RAB21: variants seen among roughly 807,000 people sequenced by gnomAD.
RAB21 encodes RAB21, member RAS oncogene family, also known as ras-related protein Rab-21.
RAB21 carries 13 observed loss-of-function variants against 33.1 expected under a neutral mutation model. The ratio of observed to expected loss-of-function variants is 0.39; its 90% confidence interval spans 0.26 to 0.62. The LOEUF (loss-of-function observed/expected upper bound fraction) is 0.62. Among genes scored for constraint, RAB21 ranks in the 20% least tolerant of loss-of-function variants. The pLI is 0.48. For missense variants in RAB21, 234 were observed against 279.1 expected, an observed-to-expected ratio of 0.84 and a Z score of 1.15; for synonymous variants, 91 against 103.7, an observed-to-expected ratio of 0.88 and a Z score of 0.74.
intron 1 of RAB21, among the ~76,000 whole-genome samples, chr12:71,768,712 T>C (rs1222147677): frequency 6.6e-6 from 1 of 152,218 alleles, no homozygotes; most frequent in East Asian, 1.9e-4. Context: ...GTAGTCCTGT[T>C]TCTTCAAACA....
At chr12:71,766,325 A>G (rs1013186301) in intron 1 of RAB21, among the ~76,000 whole-genome samples, 1 of 152,108 alleles carries the variant, frequency 6.6e-6, no homozygotes, top group African/African-American at 2.4e-5. Flanking sequence ...AGTAGTTATA[A>G]TTAATATCTG....
chr12:71,781,894 C>T (rs1883206452), intron 4 of RAB21, 137 bp from the exon 5 acceptor site: 2 of 623,262 alleles, frequency 3.2e-6, no homozygotes, highest in Non-Finnish European at 5.6e-6. Context: ...TTTATAATTT[C>T]AAGACATTAG....
chr12:71,776,079 T>C (rs539810471), intron 4 of RAB21, among the ~76,000 whole-genome samples: 1 of 152,144 alleles, frequency 6.6e-6, no homozygotes, highest in Non-Finnish European at 1.5e-5. Flanking sequence ...TTGTGTAACT[T>C]TGTGTGGTAT....
Position 71,785,728 on chromosome 12 carries a change from A to G in RAB21, c.*55A>G, listed in dbSNP as rs1883275601. On this transcript the variant is annotated 3_prime_UTR_variant, in exon 7 of 7. Transcript: ENST00000261263. ...AACAAAACTGTGGATCATTGCCCTC[A>G]ACATGAAGACTGCCATATTCCAAGT... 15 of 1,588,062 alleles carry G rather than the reference A, an allele frequency of 9.4e-6. No individual in the cohort carries two copies. In the Admixed American group the frequency reaches 1.2e-4, roughly 13 times the overall value.
intron 4 of RAB21, among the ~76,000 whole-genome samples, chr12:71,776,625 A>G (rs1356180670): frequency 1.3e-5 from 2 of 151,962 alleles, no homozygotes; most frequent in South Asian, 2.1e-4. Flanking sequence ...CAAGTGTGAC[A>G]TGGAATTTTA....
chr12:71,762,383 G>A (rs1882885884), intron 1 of RAB21, among the ~76,000 whole-genome samples: 1 of 152,080 alleles, frequency 6.6e-6, no homozygotes, highest in African/African-American at 2.4e-5. Context: ...TCGGCTCACT[G>A]CAAGCTCCGC....
At position 71,796,600 on chromosome 12, in the gene RAB21, AT is replaced by A. The variant is rs1489650281; in HGVS notation, c.*10930del. 7.3e-6 allele frequency: 1 copy of A among 137,194 alleles called. No homozygotes were observed. The highest frequency in any genetic ancestry group is 2.9e-5 in the African/African-American group (1 of 34,058). 8.5% of individuals were successfully genotyped at this position (137,194 alleles called of 1,614,324 possible). A position where few individuals can be genotyped will look rare whatever the true frequency, so the allele number is the denominator to read the frequency against. ...CTTATTATCTTGTATAGTTTGTAGC[AT>A]TTAATCTTCTATTTCAGTGATTGGT... is the stretch of plus-strand genomic sequence containing the variant. On this transcript the variant is annotated 3_prime_UTR_variant, in exon 7 of 7. Transcript: ENST00000261263.
chr12:71,770,820 G>A, intron 3 of RAB21, 121 bp downstream of exon 3: 1 of 655,354 alleles, frequency 1.5e-6, no homozygotes, highest in Non-Finnish European at 2.5e-6. Context: ...TATAATTTGT[G>A]CATAACTGGT....
intron 1 of RAB21, among the ~76,000 whole-genome samples, chr12:71,757,267 C>G (rs1882799467): frequency 6.6e-6 from 1 of 152,124 alleles, no homozygotes; most frequent in Non-Finnish European, 1.5e-5. Flanking sequence ...GCCACCACAT[C>G]TGGCTAATTT....
Position 71,785,889 on chromosome 12 carries a change from G to GTTTTTTTTTTGT in RAB21, c.*225_*236dup. ...GCATTTTCTACAAATGTTTTTTTTT[G>GTTTTTTTTTTGT]TTTTTTTTTTGTTTTTTTTTGTTTT... On this transcript the variant is annotated 3_prime_UTR_variant, in exon 7 of 7. Transcript: ENST00000261263. The GTTTTTTTTTTGT allele has an allele frequency of 7.3e-6, 3 of 410,922 alleles. No individual in the cohort carries two copies. Among genetic ancestry groups the GTTTTTTTTTTGT allele is most frequent in the Non-Finnish European group, 1.2e-5 (3 of 247,538 alleles). The allele number at this position is 410,922 out of a possible 1,614,324, so 25.5% of individuals were successfully genotyped here. A position where few individuals can be genotyped will look rare whatever the true frequency, so the allele number is the denominator to read the frequency against.
At chr12:71,784,105 A>G (rs1883244575) in intron 6 of RAB21, among the ~76,000 whole-genome samples, 1 of 152,204 alleles carries the variant, frequency 6.6e-6, no homozygotes, top group Non-Finnish European at 1.5e-5. Context: ...CTCTTGTTGG[A>G]TTGTCCCACA....
At chr12:71,763,033 G>T (rs982873947) in intron 1 of RAB21, among the ~76,000 whole-genome samples, 1 of 150,974 alleles carries the variant, frequency 6.6e-6, no homozygotes, top group Non-Finnish European at 1.5e-5. Flanking sequence ...TTAACAAATA[G>T]TTGTACATTA....
At chr12:71,783,181 T>C (rs948538570) in intron 6 of RAB21, among the ~76,000 whole-genome samples, 10 of 152,058 alleles carry the variant, frequency 6.6e-5, no homozygotes, top group Non-Finnish European at 1.3e-4. Context: ...GGTCTGAGAT[T>C]TGACTCAAAA....
At chr12:71,762,116 C>T (rs1188490897) in intron 1 of RAB21, among the ~76,000 whole-genome samples, 1 of 151,932 alleles carries the variant, frequency 6.6e-6, no homozygotes, top group Admixed American at 6.6e-5. Context: ...TGAATGTGGC[C>T]ACAAATTTCT....
At chr12:71,760,870 T>C (rs1235266132) in intron 1 of RAB21, among the ~76,000 whole-genome samples, 1 of 152,110 alleles carries the variant, frequency 6.6e-6, no homozygotes, top group East Asian at 1.9e-4. Context: ...TAAGGTTGGC[T>C]AGGCAGGTAG....
intron 4 of RAB21, among the ~76,000 whole-genome samples, chr12:71,778,199 C>G (rs910987191): frequency 6.6e-6 from 1 of 152,150 alleles, no homozygotes; most frequent in African/African-American, 2.4e-5. Context: ...TAGAGAACCA[C>G]ATGTTTCAAT....
intron 1 of RAB21, among the ~76,000 whole-genome samples, chr12:71,756,582 A>C (rs1489275997): frequency 1.3e-5 from 2 of 152,200 alleles, no homozygotes; most frequent in African/African-American, 4.8e-5. Context: ...CTCGTATGTA[A>C]AGCATATCTG....
intron 1 of RAB21, among the ~76,000 whole-genome samples, chr12:71,766,117 G>T (rs1478345185): frequency 1.3e-5 from 2 of 152,072 alleles, no homozygotes; most frequent in Non-Finnish European, 2.9e-5. Context: ...TGATTAAGAA[G>T]GAAACTTAGG....
Position 71,766,094 on chromosome 12 carries a change from A to C in RAB21, c.160-3706A>C, listed in dbSNP as rs118067242. 9.3e-4 allele frequency among the ~76,000 whole-genome samples: 141 copies of C among 152,254 alleles called. 2 individuals carry two copies. In the East Asian group the frequency reaches 0.024, roughly 26 times the overall value. On this transcript the variant is annotated intron_variant, in intron 1 of 6. Coordinates refer to ENST00000261263, the MANE Select transcript of RAB21 (RefSeq NM_014999.4). ...GCTTTACTAGTGCATCATATATATG[A>C]GTTAAAATAATTTGATTAAGAAGGA...
Sources: gnomAD v4.1 joint callset for allele counts (sites outside exome capture counted in the v4.1 genomes callset) on GRCh38, gnomAD v4.1.1 for gene constraint, MANE v1.5 for transcripts, NCBI Gene and HGNC (gene_info 2026-07-23, HGNC 2026-07-21) for gene names.